Variants in AVL9 observed in about 807,000 individuals in gnomAD.
The protein encoded by AVL9 is late secretory pathway protein AVL9 homolog.
In AVL9, 49 loss-of-function variants were observed where a neutral mutation model predicts 79.2. The ratio of observed to expected loss-of-function variants is 0.62; its 90% CI spans 0.49 to 0.79. The LOEUF is 0.79. AVL9 is among the 30% of genes least tolerant of loss of function. The pLI, the probability that AVL9 is intolerant of heterozygous loss-of-function variation, is 0.00. For synonymous variants in AVL9, 299 were observed against 280.6 expected (o/e 1.07, Z -0.65); for missense variants, 682 against 776.8 (o/e 0.88, Z 1.45).
intron 1 of AVL9, chr7:32,537,639 T>C (rs768004758): frequency 4.6e-5 from 7 of 152,074 alleles, no homozygotes; most frequent in Non-Finnish European, 1.0e-4. Context: ...ATATTTTTTG[T>C]ATTGTCAGTA....
intron 10 of AVL9, among the ~76,000 whole-genome samples, chr7:32,565,333 G>A (rs1487168411): frequency 6.6e-6 from 1 of 152,160 alleles, no homozygotes; most frequent in African/African-American, 2.4e-5. Context: ...GCCAAGGCAG[G>A]CGGATCACCT....
chr7:32,557,290 T>G (rs1018021843), intron 8 of AVL9, among the ~76,000 whole-genome samples: 1 of 152,114 alleles, frequency 6.6e-6, no homozygotes, highest in Non-Finnish European at 1.5e-5. Flanking sequence ...TGGCCTCAAG[T>G]GATCCTCCTG....
At chr7:32,556,679 G>A (rs985778607) in intron 8 of AVL9, among the ~76,000 whole-genome samples, 2 of 151,806 alleles carry the variant, frequency 1.3e-5, no homozygotes, top group African/African-American at 2.4e-5. Context: ...ATTTATCATC[G>A]TAACCATTTT....
At chr7:32,558,419 G>T (rs1583574002) in intron 8 of AVL9, 140 bp from the exon 9 acceptor site, 2 of 579,486 alleles carry the variant, frequency 3.5e-6, no homozygotes, top group East Asian at 6.6e-5. Context: ...GCCTCCCAAA[G>T]TGCTGGGATT....
intron 1 of AVL9, among the ~76,000 whole-genome samples, chr7:32,508,036 C>G (rs1471964969): frequency 6.6e-6 from 1 of 152,176 alleles, no homozygotes; most frequent in Admixed American, 6.5e-5. Context: ...TTTTGTGACG[C>G]ACATGCTCCA....
At chr7:32,533,898 A>C (rs1163277299) in intron 1 of AVL9, 1 of 152,190 alleles carries the variant, frequency 6.6e-6, no homozygotes, top group East Asian at 1.9e-4. Context: ...AACATAGTGC[A>C]TTGTTAAAAA....
At chr7:32,514,872 A>G (rs1190391633) in intron 1 of AVL9, among the ~76,000 whole-genome samples, 1 of 152,202 alleles carries the variant, frequency 6.6e-6, no homozygotes, top group African/African-American at 2.4e-5. Flanking sequence ...CACCCAGGTG[A>G]TTAAAAGCTT....
At chr7:32,560,957 C>CT (rs973161453) in intron 10 of AVL9, among the ~76,000 whole-genome samples, 1 of 152,120 alleles carries the variant, frequency 6.6e-6, no homozygotes, top group Admixed American at 6.6e-5. Context: ...TGAAAGGAAT[C>CT]TTTTTTTATT....
In AVL9 at chr7:32,573,381, C is replaced by A. The variant is rs773572129; in HGVS notation, c.1533C>A (p.Val511=). The A allele has an allele frequency of 1.9e-6, 3 of 1,613,786 alleles. No homozygotes were observed. The South Asian group carries it at 3.3e-5, about 18-fold the overall frequency. The change falls in exon 12 of 16, where the codon GTC becomes GTA. Residue 511 remains valine (V), a synonymous_variant. Coordinates refer to ENST00000318709, the MANE Select transcript of AVL9 (RefSeq NM_015060.3). The part of the protein sequence containing the change: ...GDEWIRAQFA[V]YIHALLAATL... ...AATGGATCCGGGCCCAGTTTGCGGT[C>A]TACATTCATGCCCTGCTGGCTGCCA... is the stretch of plus-strand genomic sequence containing the variant.
At chr7:32,580,390 C>T (rs1395725704) in intron 14 of AVL9, 118 bp downstream of exon 14, 1 of 749,312 alleles carries the variant, frequency 1.3e-6, no homozygotes, top group Non-Finnish European at 2.2e-6. Flanking sequence ...AAATAGTAAC[C>T]AAATATGTGC....
intron 1 of AVL9, among the ~76,000 whole-genome samples, chr7:32,521,074 C>T (rs938781943): frequency 6.6e-6 from 1 of 152,082 alleles, no homozygotes; most frequent in Non-Finnish European, 1.5e-5. Context: ...GAGGCCTCCC[C>T]AGCCATGTGG....
intron 13 of AVL9, among the ~76,000 whole-genome samples, chr7:32,578,281 G>A (rs1477837115): frequency 2.6e-5 from 4 of 152,028 alleles, no homozygotes; most frequent in African/African-American, 4.8e-5. Flanking sequence ...TCAGACACTC[G>A]GTTCATCTTT....
intron 13 of AVL9, among the ~76,000 whole-genome samples, chr7:32,579,500 ATATATTATATAT>A (rs1791334488): frequency 5.2e-4 from 3 of 5,738 alleles, no homozygotes; most frequent in African/African-American, 9.1e-4. Context: ...ATTACATATT[ATATATTATATAT>A]TATATTATAT....
At chr7:32,546,608 G>A (rs1004772916) in intron 3 of AVL9, among the ~76,000 whole-genome samples, 1 of 152,078 alleles carries the variant, frequency 6.6e-6, no homozygotes, top group African/African-American at 2.4e-5. Context: ...GGATCACGAA[G>A]TTAGGAGATC....
At chr7:32,580,422 G>A in intron 14 of AVL9, 150 bp downstream of exon 14, 1 of 660,840 alleles carries the variant, frequency 1.5e-6, no homozygotes, top group Non-Finnish European at 2.6e-6. Context: ...TAGCTCAGCA[G>A]TGTGTATGTT....
chr7:32,522,276 C>T (rs945715711), intron 1 of AVL9, among the ~76,000 whole-genome samples: 19 of 152,270 alleles, frequency 1.2e-4, no homozygotes, highest in South Asian at 4.1e-4. Context: ...AGACACTCAA[C>T]GCCAGCCCAT....
intron 1 of AVL9, among the ~76,000 whole-genome samples, chr7:32,500,331 A>C (rs1046525635): frequency 6.6e-6 from 1 of 152,128 alleles, no homozygotes; most frequent in African/African-American, 2.4e-5. Flanking sequence ...GCATTTCTCT[A>C]ATGACCAATG....
At position 32,556,343 on chromosome 7, in the gene AVL9, A is replaced by G. The variant is rs772923160; in HGVS notation, c.609+1747A>G. Among the ~76,000 whole-genome samples the G allele has an allele frequency of 1.0e-3, 158 of 152,068 alleles. 3 individuals are homozygous for G. The highest frequency in any genetic ancestry group is 3.1e-4 in the Non-Finnish European group (21 of 68,006). On this transcript the variant is annotated intron_variant, in intron 8 of 15. Coordinates refer to ENST00000318709, the MANE Select transcript of AVL9 (RefSeq NM_015060.3). The stretch of plus-strand genomic sequence containing the variant: ...AGCCTGGCCAACATGGTGAAACCCC[A>G]TCTCTACTAAAAATACAAAAATTAG...
chr7:32,553,471 T>C (rs1393910430), intron 6 of AVL9, among the ~76,000 whole-genome samples: 1 of 152,210 alleles, frequency 6.6e-6, no homozygotes, highest in African/African-American at 2.4e-5. Context: ...ACATGCCACA[T>C]TTCAGTTGCT....
Sources: allele counts gnomAD v4.1 joint callset (sites outside exome capture counted in the v4.1 genomes callset), GRCh38; gene constraint gnomAD v4.1.1; transcripts MANE v1.5; gene names NCBI Gene and HGNC (gene_info 2026-07-23, HGNC 2026-07-21).